Variants in DCLK2 observed in about 807,000 individuals in gnomAD.
The protein encoded by DCLK2 is serine/threonine-protein kinase DCLK2.
A neutral mutation model predicts 78.4 loss-of-function variants in DCLK2; 31 were observed. That is an observed-to-expected ratio of 0.40 (90% CI 0.30 to 0.53). DCLK2 has a LOEUF of 0.53. DCLK2 is among the 20% of genes least tolerant of loss of function. The pLI, the probability that DCLK2 is intolerant of heterozygous loss-of-function variation, is 0.61. For synonymous variants in DCLK2, 407 were observed against 374.9 expected (o/e 1.09, Z -0.99); for missense variants, 872 against 973.7 (o/e 0.90, Z 1.39).
At chr4:150,237,632 A>T (rs1470752147) in intron 10 of DCLK2, among the ~76,000 whole-genome samples, 4 of 152,116 alleles carry the variant, frequency 2.6e-5, no homozygotes, top group African/African-American at 9.7e-5. Flanking sequence ...GGCCTGGGAG[A>T]GCCCTGCGGT....
chr4:150,097,028 C>T lies in DCLK2; in HGVS notation c.422-5450C>T, dbSNP rs562028085. Among the ~76,000 whole-genome samples, 13 of 152,156 alleles carry T rather than the reference C, an allele frequency of 8.5e-5. No individual in the cohort carries two copies. The South Asian group carries it at 2.7e-3, about 32-fold the overall frequency. On this transcript the variant is annotated intron_variant, in intron 1 of 15. Transcript: ENST00000296550. ...CAGCATGGGAGGAGAGAAGGACCCA[C>T]GTCCTGTTAGAGGGATTTAACTTTG...
intron 1 of DCLK2, among the ~76,000 whole-genome samples, chr4:150,083,214 A>G (rs1303566782): frequency 1.3e-5 from 2 of 152,214 alleles, no homozygotes; most frequent in African/African-American, 4.8e-5. Context: ...AATGGGGTGT[A>G]TATCTCTGAT....
intron 2 of DCLK2, among the ~76,000 whole-genome samples, chr4:150,160,404 T>A (rs1735623212): frequency 6.6e-6 from 1 of 152,226 alleles, no homozygotes; most frequent in South Asian, 2.1e-4. Context: ...CTTTTAGGAT[T>A]TAATTTACTT....
intron 2 of DCLK2, among the ~76,000 whole-genome samples, chr4:150,124,137 G>T (rs970481373): frequency 2.0e-5 from 3 of 152,036 alleles, no homozygotes; most frequent in African/African-American, 7.2e-5. Context: ...ACATTTAATT[G>T]TAGTGTGATG....
intron 2 of DCLK2, among the ~76,000 whole-genome samples, chr4:150,141,876 C>T (rs776890880): frequency 2.0e-5 from 3 of 152,218 alleles, no homozygotes; most frequent in African/African-American, 4.8e-5. Flanking sequence ...ATTTAATACC[C>T]TGGAATATGG....
In DCLK2 at chr4:150,193,249, A is replaced by G. The variant is rs754100480; in HGVS notation, c.859+9A>G. ...TGTCCTGGATCATAGTGGTAAGGCA[A>G]TTCTTCAGCTAATTCATTTTTCCAT... On this transcript the variant is annotated intron_variant, in intron 3 of 15. Transcript: ENST00000296550. 23 of 1,552,760 alleles carry G rather than the reference A, an allele frequency of 1.5e-5. No individual in the cohort carries two copies. Among genetic ancestry groups the G allele is most frequent in the East Asian group, 9.1e-5 (4 of 44,162 alleles).
At chr4:150,245,218 G>A (rs1007390257) in intron 12 of DCLK2, among the ~76,000 whole-genome samples, 4 of 152,136 alleles carry the variant, frequency 2.6e-5, no homozygotes, top group Admixed American at 6.5e-5. Context: ...TAAGAAACGC[G>A]TGTGCATTCA....
chr4:150,172,770 G>A (rs866957050), intron 2 of DCLK2, among the ~76,000 whole-genome samples: 1 of 143,082 alleles, frequency 7.0e-6, no homozygotes, highest in South Asian at 2.4e-4. Context: ...TGGGGGGGGG[G>A]GGGATACCTT....
chr4:150,115,014 G>A (rs922241906), intron 2 of DCLK2, among the ~76,000 whole-genome samples: 5 of 152,132 alleles, frequency 3.3e-5, no homozygotes, highest in East Asian at 1.9e-4. Context: ...TCTCCCTCTG[G>A]TATACCAATG....
At position 150,249,609 on chromosome 4, in the gene DCLK2, A is replaced by G. The variant is rs1288278987; in HGVS notation, c.1998A>G (p.Thr666=). The G allele has an allele frequency of 1.9e-5, 30 of 1,613,808 alleles. No homozygotes were observed. Among genetic ancestry groups the G allele is most frequent in the Non-Finnish European group, 2.4e-5 (28 of 1,179,986 alleles). ...AGAATAACATGCAAGCTGAGGTGAC[A>G]GGTAAACTAAAACAGCACTTTAATA... ...SQENNMQAEV[T]GKLKQHFNNA... The change falls in exon 15 of 16, where the codon ACA becomes ACG. Residue 666 remains threonine, a synonymous_variant. Transcript: ENST00000296550.
intron 2 of DCLK2, among the ~76,000 whole-genome samples, chr4:150,155,118 G>A (rs1312256108): frequency 6.6e-6 from 1 of 152,204 alleles, no homozygotes; most frequent in Non-Finnish European, 1.5e-5. Flanking sequence ...TGTGGTCCCA[G>A]CTACTCAGGA....
At chr4:150,173,001 C>T (rs1736668519) in intron 2 of DCLK2, among the ~76,000 whole-genome samples, 1 of 152,080 alleles carries the variant, frequency 6.6e-6, no homozygotes, top group African/African-American at 2.4e-5. Context: ...TGGGGTAGGC[C>T]TCATGTGAAT....
rs576807502 is a variant in DCLK2 at position 150,184,943 on chromosome 4, G to C, written c.757-8195G>C. Reference sequence around the variant, plus strand: ...TCTTAATTCCTAACACACCCCACTCGGGTTCAGAATGTAAGTGTCCAGAGA... The same window carrying C: ...TCTTAATTCCTAACACACCCCACTCCGGTTCAGAATGTAAGTGTCCAGAGA... On this transcript the variant is annotated intron_variant, in intron 2 of 15. Transcript: ENST00000296550. Among the ~76,000 whole-genome samples the C allele has an allele frequency of 2.0e-5, 3 of 152,144 alleles. No individual in the cohort carries two copies. In the East Asian group the frequency reaches 5.8e-4, roughly 29 times the overall value.
chr4:150,177,367 A>G (rs1032564481), intron 2 of DCLK2, among the ~76,000 whole-genome samples: 5 of 152,188 alleles, frequency 3.3e-5, no homozygotes, highest in Non-Finnish European at 7.3e-5. Context: ...CTCTGCATAA[A>G]TATTTAGGCC....
chr4:150,095,306 T>A (rs1418511517), intron 1 of DCLK2, among the ~76,000 whole-genome samples: 1 of 152,214 alleles, frequency 6.6e-6, no homozygotes, highest in East Asian at 1.9e-4. Flanking sequence ...TCTTCATGAT[T>A]TTACCGCCTA....
intron 1 of DCLK2, among the ~76,000 whole-genome samples, chr4:150,085,882 A>G (rs1469004601): frequency 1.3e-5 from 2 of 152,194 alleles, no homozygotes; most frequent in African/African-American, 4.8e-5. Flanking sequence ...GAACGGACTA[A>G]TACAGTCTTC....
intron 2 of DCLK2, among the ~76,000 whole-genome samples, chr4:150,115,201 T>C (rs925855464): frequency 6.6e-6 from 1 of 152,228 alleles, no homozygotes; most frequent in South Asian, 2.1e-4. Context: ...AAATGTGTTT[T>C]TCATTTCCAG....
intron 5 of DCLK2, among the ~76,000 whole-genome samples, chr4:150,209,352 C>T (rs574956471): frequency 6.6e-6 from 1 of 152,320 alleles, no homozygotes; most frequent in Admixed American, 6.5e-5. Flanking sequence ...CAGGCTGCCT[C>T]CCACAGCCAG....
chr4:150,100,401 CTG>C (rs1730806245), intron 1 of DCLK2, among the ~76,000 whole-genome samples: 1 of 152,164 alleles, frequency 6.6e-6, no homozygotes, highest in African/African-American at 2.4e-5. Context: ...GATATGTCAA[CTG>C]TGTAGAAACA....
Sources: gnomAD v4.1 joint callset for allele counts (sites outside exome capture counted in the v4.1 genomes callset) on GRCh38, gnomAD v4.1.1 for gene constraint, MANE v1.5 for transcripts, NCBI Gene and HGNC (gene_info 2026-07-23, HGNC 2026-07-21) for gene names.